MEGF10: variants seen among roughly 807,000 people sequenced by gnomAD.
The protein encoded by MEGF10 is multiple epidermal growth factor-like domains protein 10.
Under a neutral mutation model 147.5 loss-of-function variants are expected in MEGF10, and 86 were observed. The observed-to-expected ratio is 0.58, with a 90% CI of 0.49 to 0.70. The LOEUF is 0.70. Among genes scored for constraint, MEGF10 ranks in the 30% least tolerant of loss-of-function variants. MEGF10 has a pLI of 0.00. For synonymous variants in MEGF10, 478 were observed against 525.5 expected, an observed-to-expected ratio of 0.91 and a Z score of 1.24; for missense variants, 1,329 against 1,487.3, an observed-to-expected ratio of 0.89 and a Z score of 1.75.
intron 1 of MEGF10, among the ~76,000 whole-genome samples, chr5:127,305,818 A>G (rs1036802384): frequency 6.6e-6 from 1 of 152,236 alleles, no homozygotes; most frequent in African/African-American, 2.4e-5. Context: ...TGAATATCCT[A>G]TAAGCTAACC....
At chr5:127,244,823 C>A in the MEGF10 span, among the ~76,000 whole-genome samples, 2 of 151,848 alleles carry the variant, frequency 1.3e-5, no homozygotes, top group African/African-American at 4.8e-5. Flanking sequence ...GTATGACTCA[C>A]GTATACTTTT....
chr5:127,370,281 G>A (rs1386265423), intron 5 of MEGF10, among the ~76,000 whole-genome samples: 1 of 152,176 alleles, frequency 6.6e-6, no homozygotes, highest in Admixed American at 6.5e-5. Flanking sequence ...TTCTAGAGTA[G>A]GGTCCACAAT....
chr5:127,288,803 C>A (rs919910031), upstream of MEGF10, among the ~76,000 whole-genome samples: 2 of 152,132 alleles, frequency 1.3e-5, no homozygotes, highest in African/African-American at 2.4e-5. Flanking sequence ...TTCATAATAA[C>A]CCCATATTGA....
chr5:127,343,411 C>T (rs1408908363), intron 4 of MEGF10, among the ~76,000 whole-genome samples: 1 of 152,064 alleles, frequency 6.6e-6, no homozygotes, highest in Non-Finnish European at 1.5e-5. Flanking sequence ...TGATAGACCC[C>T]ACTGTAGATG....
intron 5 of MEGF10, among the ~76,000 whole-genome samples, chr5:127,382,881 AG>A (rs767113891): frequency 1.1e-4 from 16 of 152,220 alleles, no homozygotes; most frequent in Non-Finnish European, 2.1e-4. Flanking sequence ...TACATAATAA[AG>A]AAACAAGATG....
intron 1 of MEGF10, among the ~76,000 whole-genome samples, chr5:127,319,151 C>T (rs1229961164): frequency 1.3e-5 from 2 of 151,576 alleles, no homozygotes; most frequent in Non-Finnish European, 2.9e-5. Context: ...TCTCGGCTCA[C>T]TGCAACCCCT....
intron 17 of MEGF10, among the ~76,000 whole-genome samples, chr5:127,439,513 A>T (rs147095079): frequency 7.0e-4 from 107 of 152,338 alleles, no homozygotes; most frequent in Middle Eastern, 3.4e-3. Flanking sequence ...CAAGAGTTGA[A>T]AAGGATAATT....
rs530845684 is a variant in MEGF10, at chr5:127,313,670, G to A, written c.-18-17621G>A. On this transcript the variant is annotated intron_variant, in intron 1 of 24. Transcript: ENST00000503335. The stretch of plus-strand genomic sequence containing the variant: ...CTTTTCCTCCATTGATGTTAAACAT[G>A]TTTCTTGCTAAATGTAAAATCAGCA... Among the ~76,000 whole-genome samples the A allele has an allele frequency of 1.5e-4, 23 of 152,200 alleles. No individual in the cohort carries two copies. The East Asian group carries it at 4.3e-3, about 28-fold the overall frequency.
intron 5 of MEGF10, among the ~76,000 whole-genome samples, chr5:127,385,854 C>T (rs914275440): frequency 6.6e-6 from 1 of 152,164 alleles, no homozygotes; most frequent in African/African-American, 2.4e-5. Flanking sequence ...ACTATAATCC[C>T]TGCACTTTGG....
the MEGF10 span, among the ~76,000 whole-genome samples, chr5:127,239,670 A>G: frequency 6.6e-6 from 1 of 151,970 alleles, no homozygotes. Context: ...GGGAATATAG[A>G]TCAGGCAAGA....
Position 127,307,109 on chromosome 5 carries a change from G to A in MEGF10, c.-19+16053G>A, listed in dbSNP as rs114574852. Among the ~76,000 whole-genome samples, 740 of 152,232 alleles carry A rather than the reference G, an allele frequency of 4.9e-3. 8 individuals are homozygous for A. Among genetic ancestry groups the A allele is most frequent in the African/African-American group, 0.017 (702 of 41,550 alleles). On this transcript the variant is annotated intron_variant, in intron 1 of 24. Transcript: ENST00000503335. ...AATCCTTCCGGAGTGAAAGGAGCAC[G>A]CTTCTCCCCTAGAGTTCTGTTAGAT... is the stretch of plus-strand genomic sequence containing the variant.
chr5:127,247,421 A>ATTT, the MEGF10 span, among the ~76,000 whole-genome samples: 1 of 91,216 alleles, frequency 1.1e-5, no homozygotes, highest in Non-Finnish European at 2.2e-5. Context: ...AAGAAGAAGA[A>ATTT]GAAGAAGAAG....
chr5:127,429,345 G>T (rs1580860259), intron 13 of MEGF10, among the ~76,000 whole-genome samples: 1 of 152,132 alleles, frequency 6.6e-6, no homozygotes, highest in Admixed American at 6.5e-5. Context: ...CCTTAGCAGG[G>T]AAGGGTCACC....
chr5:127,247,419 G>C, the MEGF10 span, among the ~76,000 whole-genome samples: 18 of 80,660 alleles, frequency 2.2e-4, no homozygotes, highest in Admixed American at 7.8e-4. Context: ...AGAAGAAGAA[G>C]AAGAAGAAGA....
In MEGF10 at chr5:127,404,417, C is replaced by T. The variant is rs111449153; in HGVS notation, c.917+1735C>T. 2.9e-3 allele frequency among the ~76,000 whole-genome samples: 436 copies of T among 151,976 alleles called. 1 individual carries two copies. Among genetic ancestry groups the T allele is most frequent in the African/African-American group, 9.7e-3 (402 of 41,494 alleles). On this transcript the variant is annotated intron_variant, in intron 8 of 24. Transcript: ENST00000503335. ...TACCATTGAAAGTAACGGTGAAGAC[C>T]GCAATTACTTTTACACCAACCTATA...
intron 3 of MEGF10, 109 bp downstream of exon 3, chr5:127,339,330 T>C: frequency 2.8e-6 from 2 of 711,000 alleles, no homozygotes; most frequent in South Asian, 3.9e-5. Context: ...TGAATAGGTA[T>C]TGAGGGCTTG....
chr5:127,309,161 T>C (rs1760148735), intron 1 of MEGF10, among the ~76,000 whole-genome samples: 2 of 152,260 alleles, frequency 1.3e-5, no homozygotes, highest in African/African-American at 2.4e-5. Context: ...CATGAATGTC[T>C]GTCTTAATCA....
chr5:127,346,243 A>G (rs1270482782), intron 4 of MEGF10, among the ~76,000 whole-genome samples: 1 of 152,210 alleles, frequency 6.6e-6, no homozygotes, highest in Non-Finnish European at 1.5e-5. Flanking sequence ...TTGCTGAATC[A>G]AATGGTAGAT....
intron 14 of MEGF10, among the ~76,000 whole-genome samples, chr5:127,434,073 TAA>T (rs1230964300): frequency 1.3e-5 from 2 of 152,388 alleles, no homozygotes; most frequent in East Asian, 1.9e-4. Flanking sequence ...TAACTAATTA[TAA>T]GTTATACTAT....
Sources: allele counts gnomAD v4.1 joint callset (sites outside exome capture counted in the v4.1 genomes callset), GRCh38; gene constraint gnomAD v4.1.1; transcripts MANE v1.5; gene names NCBI Gene and HGNC (gene_info 2026-07-23, HGNC 2026-07-21).